GNAI1: variants seen among roughly 807,000 people sequenced by gnomAD.
GNAI1 encodes G protein subunit alpha i1.
Under a neutral mutation model 38.9 loss-of-function variants are expected in GNAI1, and 11 were observed. The ratio of observed to expected loss-of-function variants is 0.28; its 90% CI spans 0.18 to 0.47. The LOEUF (loss-of-function observed/expected upper bound fraction) is 0.47, where lower values mean the gene tolerates loss of function less well. Ranked by LOEUF, GNAI1 falls within the 20% of genes least tolerant of loss-of-function variation. The pLI is 0.99. For missense variants in GNAI1, 317 were observed against 436.9 expected, an observed-to-expected ratio of 0.73 and a Z score of 2.45; for synonymous variants, 166 against 145.1, an observed-to-expected ratio of 1.14 and a Z score of -1.04.
intron 3 of GNAI1, among the ~76,000 whole-genome samples, chr7:80,195,149 T>C (rs1788545858): frequency 6.6e-6 from 1 of 151,844 alleles, no homozygotes; most frequent in African/African-American, 2.4e-5. Flanking sequence ...TCAATATTTC[T>C]CCATTTTACC....
intron 1 of GNAI1, among the ~76,000 whole-genome samples, chr7:80,154,733 T>G (rs1280374707): frequency 6.6e-6 from 1 of 152,218 alleles, no homozygotes. Context: ...AAGAGAAAAC[T>G]ATAATGTTTT....
chr7:80,162,715 G>A (rs769295210), intron 1 of GNAI1, among the ~76,000 whole-genome samples: 3 of 152,172 alleles, frequency 2.0e-5, no homozygotes, highest in Non-Finnish European at 2.9e-5. Context: ...GGAATAGATG[G>A]TTAAGATACA....
chr7:80,135,825 G>C, intron 1 of GNAI1: 1 of 984,952 alleles, frequency 1.0e-6, no homozygotes, highest in Middle Eastern at 5.2e-4. Flanking sequence ...TTCCTATGGC[G>C]ACTCCTTAAG....
chr7:80,191,506 C>G lies in GNAI1; in HGVS notation c.303+2275C>G, dbSNP rs530429039. On this transcript the variant is annotated intron_variant, in intron 3 of 7. Transcript: ENST00000649796. The stretch of plus-strand genomic sequence containing the variant: ...TCCCAGGTTCAAGCAATTCTCATGC[C>G]TCAGCCTCCCAAGTAGCTGGAACCA... Among the ~76,000 whole-genome samples the G allele has an allele frequency of 9.7e-4, 148 of 152,246 alleles. 1 individual carries two copies. The highest frequency in any genetic ancestry group is 3.4e-3 in the African/African-American group (143 of 41,534).
intron 7 of GNAI1, among the ~76,000 whole-genome samples, chr7:80,213,654 A>G (rs1788910593): frequency 6.6e-6 from 1 of 152,164 alleles, no homozygotes; most frequent in African/African-American, 2.4e-5. Flanking sequence ...CCACCACCTT[A>G]TAACTTTTTC....
intron 1 of GNAI1, among the ~76,000 whole-genome samples, chr7:80,156,477 G>A (rs1424529702): frequency 6.6e-6 from 1 of 151,566 alleles, no homozygotes; most frequent in Non-Finnish European, 1.5e-5. Flanking sequence ...TGCCTAGGCT[G>A]GAGTGCAGCG....
At chr7:80,199,512 A>G (rs184050438) in intron 4 of GNAI1, 130 bp downstream of exon 4, 30 of 656,542 alleles carry the variant, frequency 4.6e-5, no homozygotes, top group Middle Eastern at 4.3e-4. Flanking sequence ...CAGGATGACA[A>G]TATTTTAAAA....
Position 80,224,053 on chromosome 7 carries a change from G to T in GNAI1, c.*6560G>T, listed in dbSNP as rs1158564972. On this transcript the variant is annotated 3_prime_UTR_variant, in exon 8 of 8. Transcript: ENST00000649796. Reference sequence around the variant, plus strand: ...CCTACACTTAAGGCTTCTAGATGCAGATTTATACAATAGTGCTAAATCAAG... The same window carrying T: ...CCTACACTTAAGGCTTCTAGATGCATATTTATACAATAGTGCTAAATCAAG... 6.6e-6 allele frequency among the ~76,000 whole-genome samples: 1 copy of T among 152,110 alleles called. No homozygotes were observed. The highest frequency in any genetic ancestry group is 2.4e-5 in the African/African-American group (1 of 41,428).
intron 1 of GNAI1, among the ~76,000 whole-genome samples, chr7:80,164,849 AT>A (rs1445265187): frequency 2.0e-5 from 3 of 151,262 alleles, no homozygotes; most frequent in African/African-American, 7.4e-5. Context: ...ATAATAGCTG[AT>A]TGACATTTCA....
intron 1 of GNAI1, among the ~76,000 whole-genome samples, chr7:80,141,210 C>G (rs2116071403): frequency 6.6e-6 from 1 of 152,274 alleles, no homozygotes; most frequent in African/African-American, 2.4e-5. Flanking sequence ...CCTCTGGCTC[C>G]CAAAGGCTCA....
chr7:80,182,612 GAATGA>G (rs1177199556), intron 1 of GNAI1, among the ~76,000 whole-genome samples: 1 of 152,080 alleles, frequency 6.6e-6, no homozygotes, highest in Non-Finnish European at 1.5e-5. Context: ...CTTTGTTGGG[GAATGA>G]TAATTAAAAA....
At chr7:80,215,932 A>T (rs976015024) in intron 7 of GNAI1, among the ~76,000 whole-genome samples, 1 of 152,114 alleles carries the variant, frequency 6.6e-6, no homozygotes, top group Non-Finnish European at 1.5e-5. Flanking sequence ...GGTCCTCACG[A>T]CATGGACCTG....
intron 1 of GNAI1, among the ~76,000 whole-genome samples, chr7:80,173,470 G>A (rs1788130958): frequency 1.3e-5 from 2 of 152,074 alleles, no homozygotes; most frequent in South Asian, 4.1e-4. Flanking sequence ...TCCCAAAACT[G>A]CAAAATGCTT....
intron 1 of GNAI1, among the ~76,000 whole-genome samples, chr7:80,165,214 A>G (rs1005322647): frequency 1.3e-5 from 2 of 152,188 alleles, no homozygotes; most frequent in African/African-American, 4.8e-5. Context: ...ATCTCTAAAA[A>G]TAACATCAAT....
chr7:80,139,503 C>G (rs905660181), intron 1 of GNAI1, among the ~76,000 whole-genome samples: 1 of 152,168 alleles, frequency 6.6e-6, no homozygotes, highest in African/African-American at 2.4e-5. Context: ...ATCCTTCTGC[C>G]CAGCCTATTT....
At chr7:80,139,095 C>A (rs1189618415) in intron 1 of GNAI1, among the ~76,000 whole-genome samples, 2 of 152,126 alleles carry the variant, frequency 1.3e-5, no homozygotes, top group Admixed American at 6.5e-5. Flanking sequence ...ATAAACGGAT[C>A]CGGTATTTCA....
chr7:80,219,722 A>T lies in GNAI1; in HGVS notation c.*2229A>T, dbSNP rs1277308534. ...TCATCATTTATTCCTTCAATGGGGA[A>T]CTTTTTAGTTTAAGTTCTGGGATAC... On this transcript the variant is annotated 3_prime_UTR_variant, in exon 8 of 8. Transcript: ENST00000649796. Among the ~76,000 whole-genome samples the T allele has an allele frequency of 6.6e-6, 1 of 152,144 alleles. No individual in the cohort carries two copies. The highest frequency in any genetic ancestry group is 1.5e-5 in the Non-Finnish European group (1 of 68,014).
At chr7:80,174,319 AT>A (rs988683045) in intron 1 of GNAI1, among the ~76,000 whole-genome samples, 4 of 152,128 alleles carry the variant, frequency 2.6e-5, no homozygotes, top group African/African-American at 4.8e-5. Flanking sequence ...TTTTAAATTT[AT>A]TTTTTAAACA....
chr7:80,157,875 T>A (rs1359815732), intron 1 of GNAI1, among the ~76,000 whole-genome samples: 1 of 151,832 alleles, frequency 6.6e-6, no homozygotes, highest in African/African-American at 2.4e-5. Context: ...CCCGGCTAAT[T>A]TTTTTGTATT....
Sources: gnomAD v4.1 joint callset for allele counts (sites outside exome capture counted in the v4.1 genomes callset) on GRCh38, gnomAD v4.1.1 for gene constraint, MANE v1.5 for transcripts, NCBI Gene and HGNC (gene_info 2026-07-23, HGNC 2026-07-21) for gene names.